The following STAP1 variants were observed in gnomAD, a reference collection of about 807,000 sequenced individuals.
STAP1 encodes signal transducing adaptor family member 1.
STAP1 carries 30 observed loss-of-function variants against 37.8 expected under a neutral mutation model. The ratio of observed to expected loss-of-function variants is 0.79; its 90% confidence interval spans 0.59 to 1.08. The LOEUF (loss-of-function observed/expected upper bound fraction) is 1.08. STAP1 is among the 50% of genes least tolerant of loss of function. The pLI is 0.00. For synonymous variants in STAP1, 130 were observed against 116.0 expected (o/e 1.12, Z -0.78); for missense variants, 357 against 349.4 (o/e 1.02, Z -0.17).
At chr4:67,578,283 A>G (rs1218959340) in intron 4 of STAP1, among the ~76,000 whole-genome samples, 1 of 152,248 alleles carries the variant, frequency 6.6e-6, no homozygotes, top group Non-Finnish European at 1.5e-5. Flanking sequence ...CTAGTAATTT[A>G]AAAGGATATA....
chr4:67,562,215 G>A (rs1346505295), intron 1 of STAP1, among the ~76,000 whole-genome samples: 1 of 150,334 alleles, frequency 6.7e-6, no homozygotes, highest in Admixed American at 6.6e-5. Flanking sequence ...TGTGTGGGCC[G>A]GGCCCGGTCC....
intron 1 of STAP1, among the ~76,000 whole-genome samples, chr4:67,565,586 T>C (rs1727447200): frequency 6.6e-6 from 1 of 152,198 alleles, no homozygotes; most frequent in African/African-American, 2.4e-5. Flanking sequence ...CTTTTCTTTT[T>C]TTAAAGTGCC....
At chr4:67,563,797 G>A (rs1294196563) in intron 1 of STAP1, among the ~76,000 whole-genome samples, 2 of 152,152 alleles carry the variant, frequency 1.3e-5, no homozygotes, top group East Asian at 1.9e-4. Flanking sequence ...GCTTGGATTT[G>A]ATTGTGATGC....
intron 6 of STAP1, among the ~76,000 whole-genome samples, chr4:67,586,875 T>C (rs564986882): frequency 3.7e-4 from 56 of 152,194 alleles, no homozygotes; most frequent in Non-Finnish European, 7.1e-4. Flanking sequence ...AAGCAAGAAG[T>C]ATATTGGTTA....
intron 8 of STAP1, 90 bp downstream of exon 8, chr4:67,593,446 C>A: frequency 1.1e-6 from 1 of 899,722 alleles, no homozygotes; most frequent in Non-Finnish European, 1.7e-6. Flanking sequence ...ATAGTACCAG[C>A]CAGGCAGGAA....
At chr4:67,583,016 T>A (rs1039303792) in intron 5 of STAP1, among the ~76,000 whole-genome samples, 5 of 152,192 alleles carry the variant, frequency 3.3e-5, no homozygotes, top group African/African-American at 4.8e-5. Context: ...CGGGATATAA[T>A]CCCATCATAA....
intron 5 of STAP1, among the ~76,000 whole-genome samples, chr4:67,582,312 G>GT (rs55915212): frequency 0.3 from 43,627 of 147,312 alleles, 6,663 homozygotes; most frequent in South Asian, 0.41. Context: ...TTTTTTTTTT[G>GT]TTTTTTTTGT....
intron 8 of STAP1, among the ~76,000 whole-genome samples, chr4:67,605,066 G>T (rs1449936736): frequency 6.6e-6 from 1 of 152,052 alleles, no homozygotes; most frequent in Non-Finnish European, 1.5e-5. Context: ...CACCTCTCTG[G>T]GATTTCTCCA....
Position 67,577,212 on chromosome 4 carries a change from A to C in STAP1, c.316A>C (p.Thr106Pro). 1 of 1,611,184 alleles carries C rather than the reference A, an allele frequency of 6.2e-7. No homozygotes were observed. The highest frequency in any genetic ancestry group is 8.5e-7 in the Non-Finnish European group (1 of 1,178,702). ...TTGTCTTCAACTTTAGACAGAGAACACAGAAAGTGGGGAAGAATGGAGAGG... is the reference window on the plus strand; with the variant it reads ...TTGTCTTCAACTTTAGACAGAGAACCCAGAAAGTGGGGAAGAATGGAGAGG... ...KEEVQLKTEN[T>P]ESGEEWRGFI... The change falls in exon 4 of 9, where the codon ACA (threonine) becomes CCA (proline). Residue 106 changes from threonine to proline, a missense_variant. Thr to Pro is a conservative substitution (Grantham distance 38, BLOSUM62 -1). Transcript: ENST00000265404.
intron 7 of STAP1, 146 bp from the exon 8 acceptor site, chr4:67,593,114 C>A: frequency 3.7e-6 from 2 of 538,148 alleles, no homozygotes; most frequent in Non-Finnish European, 6.5e-6. Flanking sequence ...ATAAATAAGA[C>A]ACAGGGATAG....
Position 67,571,154 on chromosome 4 carries a change from T to G in STAP1, c.191T>G (p.Ile64Arg). 6.3e-7 allele frequency: 1 copy of G among 1,593,080 alleles called. No homozygotes were observed. The highest frequency in any genetic ancestry group is 1.1e-5 in the South Asian group (1 of 90,682). The stretch of plus-strand genomic sequence containing the variant: ...TTTTATACCGACAAAAAGAGTATAA[T>G]AGTAAGTAAATATGTTGAGCTGATT... ...LFFYTDKKSI[I>R]YVDKLDIVDL... The change falls in exon 2 of 9, where the codon ATA (isoleucine) becomes AGA (arginine). Residue 64 changes from isoleucine (I) to arginine (R), a missense_variant and splice_region_variant. Transcript: ENST00000265404.
intron 6 of STAP1, among the ~76,000 whole-genome samples, chr4:67,588,706 G>A (rs1036781605): frequency 2.0e-5 from 3 of 152,170 alleles, no homozygotes; most frequent in Non-Finnish European, 4.4e-5. Context: ...ACTGCGCCCG[G>A]CCAATATGAT....
rs185450348 is a variant in STAP1 at position 67,596,403 on chromosome 4, A to G, written c.826+3047A>G. Among the ~76,000 whole-genome samples the G allele has an allele frequency of 1.2e-3, 182 of 152,306 alleles. 1 individual carries two copies. The highest frequency in any genetic ancestry group is 4.2e-3 in the African/African-American group (176 of 41,572). ...GGTAGTATCTTTATAGCAGTGTGAAAATGGACTAATACAAGAATTGGTATT... is the reference window on the plus strand; with the variant it reads ...GGTAGTATCTTTATAGCAGTGTGAAGATGGACTAATACAAGAATTGGTATT... On this transcript the variant is annotated intron_variant, in intron 8 of 8. Coordinates refer to ENST00000265404, the MANE Select transcript of STAP1 (RefSeq NM_012108.4).
chr4:67,594,882 T>C (rs1460758782), intron 8 of STAP1, among the ~76,000 whole-genome samples: 1 of 152,210 alleles, frequency 6.6e-6, no homozygotes, highest in Non-Finnish European at 1.5e-5. Flanking sequence ...CATATTTTTA[T>C]TGGGTTGTTT....
chr4:67,574,442 A>G (rs1450810348), intron 2 of STAP1, among the ~76,000 whole-genome samples: 1 of 152,216 alleles, frequency 6.6e-6, no homozygotes, highest in Non-Finnish European at 1.5e-5. Context: ...GATGTATGTC[A>G]AAACATCATG....
rs1471987829 is a variant in STAP1, at chr4:67,607,242, A to T, written c.*885A>T. ...GGAGAAAACAGCCATTGACAACTCAAGGAGAGAGGCCTCGGGGGGAAAAAA... is the reference window on the plus strand; with the variant it reads ...GGAGAAAACAGCCATTGACAACTCATGGAGAGAGGCCTCGGGGGGAAAAAA... On this transcript the variant is annotated 3_prime_UTR_variant, in exon 9 of 9. Transcript: ENST00000265404. 6.6e-6 allele frequency: 1 copy of T among 152,216 alleles called. No individual in the cohort carries two copies. The highest frequency in any genetic ancestry group is 1.5e-5 in the Non-Finnish European group (1 of 68,048). The allele number at this position is 152,216 out of a possible 1,614,324, so 9.4% of individuals were successfully genotyped here.
At chr4:67,598,217 TGTGAATA>T (rs1425577967) in intron 8 of STAP1, among the ~76,000 whole-genome samples, 1 of 152,204 alleles carries the variant, frequency 6.6e-6, no homozygotes, top group African/African-American at 2.4e-5. Flanking sequence ...TCTTGGCTAT[TGTGAATA>T]GTGTTGTTAT....
At chr4:67,588,478 C>T (rs545140151) in intron 6 of STAP1, among the ~76,000 whole-genome samples, 1 of 151,948 alleles carries the variant, frequency 6.6e-6, no homozygotes, top group Non-Finnish European at 1.5e-5. Flanking sequence ...GGTGCGAGCT[C>T]GGCTCACTGC....
intron 1 of STAP1, among the ~76,000 whole-genome samples, chr4:67,568,207 A>G (rs1006854971): frequency 4.6e-5 from 7 of 152,242 alleles, no homozygotes; most frequent in African/African-American, 1.7e-4. Flanking sequence ...TAAAAAACAT[A>G]AAGGATATGT....
Sources: gnomAD v4.1 joint callset for allele counts (sites outside exome capture counted in the v4.1 genomes callset) on GRCh38, gnomAD v4.1.1 for gene constraint, MANE v1.5 for transcripts, NCBI Gene and HGNC (gene_info 2026-07-23, HGNC 2026-07-21) for gene names.